The following KCNK13 variants were observed in gnomAD, a reference collection of about 807,000 sequenced individuals.
KCNK13 encodes the protein potassium channel subfamily K member 13.
In KCNK13, 12 loss-of-function variants were observed where a neutral mutation model predicts 23.4. The ratio of observed to expected loss-of-function variants is 0.51; its 90% CI spans 0.33 to 0.83. KCNK13 has a LOEUF of 0.83. Ranked by LOEUF, KCNK13 falls within the 40% of genes least tolerant of loss-of-function variation. The pLI, the probability that KCNK13 is intolerant of heterozygous loss-of-function variation, is 0.02. For missense variants in KCNK13, 463 were observed against 556.3 expected (o/e 0.83, Z 1.69); for synonymous variants, 231 against 229.5 (o/e 1.01, Z -0.06).
At chr14:90,144,553 G>C (rs1318629198) in intron 1 of KCNK13, among the ~76,000 whole-genome samples, 2 of 142,832 alleles carry the variant, frequency 1.4e-5, no homozygotes, top group African/African-American at 5.3e-5. Context: ...CTGGAGTGTA[G>C]TGGGACAATC....
At chr14:90,079,154 G>A (rs571077794) in intron 1 of KCNK13, among the ~76,000 whole-genome samples, 28 of 152,106 alleles carry the variant, frequency 1.8e-4, no homozygotes, top group Non-Finnish European at 3.7e-4. Flanking sequence ...TGGCCATCAC[G>A]TCGACATGCT....
chr14:90,118,876 AAGAT>A (rs1486651863), intron 1 of KCNK13, among the ~76,000 whole-genome samples: 1 of 152,148 alleles, frequency 6.6e-6, no homozygotes, highest in East Asian at 1.9e-4. Flanking sequence ...AAAAATTACT[AAGAT>A]AGATAGTCCA....
intron 1 of KCNK13, among the ~76,000 whole-genome samples, chr14:90,077,318 G>A (rs539091079): frequency 1.7e-4 from 25 of 147,514 alleles, no homozygotes; most frequent in African/African-American, 5.8e-4. Context: ...ACAGGGTTTC[G>A]CCATGTTGGC....
Position 90,139,908 on chromosome 14 carries a change from C to T in KCNK13, c.335-44203C>T, listed in dbSNP as rs138491048. Among the ~76,000 whole-genome samples, 415 of 151,960 alleles carry T rather than the reference C, an allele frequency of 2.7e-3. 1 individual carries two copies. Among genetic ancestry groups the T allele is most frequent in the African/African-American group, 9.6e-3 (396 of 41,396 alleles). On this transcript the variant is annotated intron_variant, in intron 1 of 1. Coordinates refer to ENST00000282146, the MANE Select transcript of KCNK13 (RefSeq NM_022054.4). ...ACCTGGGAGCTGGAGGTTGCAGTGA[C>T]CCGAGATCACACCACTGCCCTCCAG...
intron 1 of KCNK13, among the ~76,000 whole-genome samples, chr14:90,140,679 T>G (rs764243065): frequency 1.3e-5 from 2 of 152,192 alleles, no homozygotes; most frequent in Non-Finnish European, 2.9e-5. Flanking sequence ...GGAAGATTAG[T>G]CATGCCCCGT....
chr14:90,071,330 AACC>A (rs1889071945), intron 1 of KCNK13, among the ~76,000 whole-genome samples: 2 of 152,200 alleles, frequency 1.3e-5, no homozygotes, highest in African/African-American at 4.8e-5. Context: ...ATCTTAAAAG[AACC>A]TTAAAGAGTC....
intron 1 of KCNK13, among the ~76,000 whole-genome samples, chr14:90,079,157 G>A (rs1409238590): frequency 1.3e-5 from 2 of 152,074 alleles, no homozygotes; most frequent in South Asian, 2.1e-4. Flanking sequence ...CCATCACGTC[G>A]ACATGCTAGG....
intron 1 of KCNK13, among the ~76,000 whole-genome samples, chr14:90,155,494 G>A (rs1890183490): frequency 6.6e-6 from 1 of 152,198 alleles, no homozygotes; most frequent in South Asian, 2.1e-4. Context: ...GGCTCTGGCT[G>A]CTGCAGGCTA....
At chr14:90,073,618 A>G (rs754525026) in intron 1 of KCNK13, among the ~76,000 whole-genome samples, 1 of 152,072 alleles carries the variant, frequency 6.6e-6, no homozygotes, top group Non-Finnish European at 1.5e-5. Flanking sequence ...ATGGTATTTT[A>G]AGGGCTGCCT....
chr14:90,113,946 G>GA (rs1181503246), intron 1 of KCNK13, among the ~76,000 whole-genome samples: 26 of 149,482 alleles, frequency 1.7e-4, no homozygotes, highest in Middle Eastern at 6.9e-3. Context: ...AGAAGAAGAA[G>GA]AAAAAAAAAG....
rs35909577 is a variant in KCNK13 at position 90,184,942 on chromosome 14, G to C, written c.1166G>C (p.Gly389Ala). Residue 389 changes from glycine (G) to alanine (A), a missense_variant, in exon 2 of 2, where the codon GGG becomes GCG. Physicochemically the swap from Gly to Ala is moderately conservative, Grantham distance 60 (BLOSUM62 0). Coordinates refer to ENST00000282146, the MANE Select transcript of KCNK13 (RefSeq NM_022054.4). The surrounding 1 kb of genome is among the most constrained non-coding windows in gnomAD (Gnocchi z 5.6). ...CTGGCCCGGGACAATGAATTCTCAG[G>C]GGGGGTGGGAGCCTTTGCAATCATG... ...STLARDNEFS[G>A]GVGAFAIMNN... The C allele has an allele frequency of 2.9e-3, 4,728 of 1,612,542 alleles. 118 individuals are homozygous for C. In the African/African-American group the frequency reaches 0.054, roughly 18 times the overall value.
At chr14:90,153,844 G>C (rs1427212839) in intron 1 of KCNK13, among the ~76,000 whole-genome samples, 3 of 152,170 alleles carry the variant, frequency 2.0e-5, no homozygotes, top group East Asian at 3.9e-4. Context: ...TGTGTGCCCA[G>C]CCTTTCTCCC....
rs145046193 is a variant in KCNK13 at position 90,178,533 on chromosome 14, G to A, written c.335-5578G>A. On this transcript the variant is annotated intron_variant, in intron 1 of 1. Transcript: ENST00000282146. The stretch of plus-strand genomic sequence containing the variant: ...TTGAACTCCCGACCTCAGGTGATCC[G>A]CCCGCCTCAGCCTCCCAAAGTGCTG... Among the ~76,000 whole-genome samples the A allele has an allele frequency of 3.7e-3, 561 of 151,488 alleles. 3 individuals are homozygous for A. Among genetic ancestry groups the A allele is most frequent in the African/African-American group, 0.013 (520 of 41,320 alleles).
chr14:90,142,438 C>A (rs1890020082), intron 1 of KCNK13, among the ~76,000 whole-genome samples: 1 of 150,460 alleles, frequency 6.6e-6, no homozygotes, highest in Non-Finnish European at 1.5e-5. Context: ...CGTGCCTCAG[C>A]CTCCCAAGTA....
rs144921605 is a variant in KCNK13 at position 90,184,642 on chromosome 14, G to T, written c.866G>T (p.Trp289Leu). ...ISILIKQSLNWILRKMDSGCC... is the reference protein window; with the variant it reads ...ISILIKQSLNLILRKMDSGCC... ...ATCCTCATCAAACAGTCCTTGAACT[G>T]GATCCTGAGGAAAATGGACAGCGGG... The change falls in exon 2 of 2, where the codon TGG (tryptophan) becomes TTG (leucine). Residue 289 changes from tryptophan to leucine, a missense_variant. Trp to Leu is a moderately conservative substitution (Grantham distance 61). Coordinates refer to ENST00000282146, the MANE Select transcript of KCNK13 (RefSeq NM_022054.4). This position sits in a 1 kb window ranked among gnomAD's most constrained non-coding sequence, Gnocchi z 5.6. 2.0e-5 allele frequency: 32 copies of T among 1,614,228 alleles called. No homozygotes were observed. Among genetic ancestry groups the T allele is most frequent in the Non-Finnish European group, 2.7e-5 (32 of 1,180,052 alleles).
At chr14:90,173,776 G>A (rs955443051) in intron 1 of KCNK13, among the ~76,000 whole-genome samples, 42 of 152,176 alleles carry the variant, frequency 2.8e-4, no homozygotes, top group African/African-American at 1.0e-3. Context: ...AAAAGGGCAG[G>A]ATATCTTGAA....
At chr14:90,117,170 T>G (rs768728279) in intron 1 of KCNK13, among the ~76,000 whole-genome samples, 15 of 152,174 alleles carry the variant, frequency 9.9e-5, no homozygotes, top group Admixed American at 3.9e-4. Flanking sequence ...ATAGCCTAGA[T>G]GGTTACTCAT....
chr14:90,145,812 G>C (rs1890065843), intron 1 of KCNK13, among the ~76,000 whole-genome samples: 1 of 151,886 alleles, frequency 6.6e-6, no homozygotes, highest in Admixed American at 6.6e-5. Flanking sequence ...ACCAGCCTTG[G>C]CAACATGACG....
chr14:90,131,550 A>G (rs1889871970), intron 1 of KCNK13, among the ~76,000 whole-genome samples: 1 of 151,608 alleles, frequency 6.6e-6, no homozygotes, highest in Non-Finnish European at 1.5e-5. Flanking sequence ...TTTTTTCAGA[A>G]AGAGTGTCAC....
Sources: allele counts gnomAD v4.1 joint callset (sites outside exome capture counted in the v4.1 genomes callset), GRCh38; gene constraint gnomAD v4.1.1; non-coding constraint Gnocchi (gnomAD v3.1); transcripts MANE v1.5; gene names NCBI Gene and HGNC (gene_info 2026-07-23, HGNC 2026-07-21).